RBL2: variants seen among roughly 807,000 people sequenced by gnomAD.
The protein encoded by RBL2 is retinoblastoma-like protein 2.
In RBL2, 56 loss-of-function variants were observed where a neutral mutation model predicts 126.0. That is an observed-to-expected ratio of 0.44 (90% CI 0.36 to 0.56). The LOEUF is 0.56. Ranked by LOEUF, RBL2 falls within the 20% of genes least tolerant of loss-of-function variation. RBL2 has a pLI of 0.00. For synonymous variants in RBL2, 454 were observed against 478.5 expected (o/e 0.95, Z 0.67); for missense variants, 1,229 against 1,398.2 (o/e 0.88, Z 1.93).
chr16:53,481,020 G>A (rs904687675), intron 20 of RBL2: 3 of 327,422 alleles, frequency 9.2e-6, no homozygotes, highest in East Asian at 7.2e-5. Flanking sequence ...TGAGCTGGGC[G>A]TGGTGGCACA....
chr16:53,444,391 AAAAAT>A (rs2153139004), intron 3 of RBL2, among the ~76,000 whole-genome samples: 1 of 151,950 alleles, frequency 6.6e-6, no homozygotes, highest in South Asian at 2.1e-4. Context: ...CGTCTCTACT[AAAAAT>A]AAAAAAATTA....
intron 8 of RBL2, among the ~76,000 whole-genome samples, chr16:53,455,147 T>A (rs2150797195): frequency 6.6e-6 from 1 of 152,350 alleles, no homozygotes; most frequent in Middle Eastern, 3.4e-3. Flanking sequence ...GTAGTGAACA[T>A]AGTGTAGGCA....
chr16:53,450,768 G>C (rs1350302839), intron 4 of RBL2, among the ~76,000 whole-genome samples: 1 of 152,088 alleles, frequency 6.6e-6, no homozygotes. Context: ...GCATTAATTT[G>C]TCTGAGTTTA....
intron 19 of RBL2, chr16:53,480,230 G>C (rs1231911293): frequency 3.7e-6 from 2 of 534,638 alleles, no homozygotes; most frequent in Non-Finnish European, 6.6e-6. Flanking sequence ...CTGCTTGCCT[G>C]AGTTCCAGAA....
chr16:53,464,078 A>T, intron 11 of RBL2, 148 bp from the exon 12 acceptor site: 1 of 556,676 alleles, frequency 1.8e-6, no homozygotes, highest in Non-Finnish European at 2.8e-6. Context: ...TTATATAATT[A>T]AGAAAGGTTT....
intron 12 of RBL2, 142 bp from the exon 13 acceptor site, chr16:53,465,295 AC>A: frequency 1.9e-6 from 1 of 530,626 alleles, no homozygotes; most frequent in Non-Finnish European, 2.9e-6. Flanking sequence ...CATAGTTTGA[AC>A]TATAATTATT....
At position 53,454,840 on chromosome 16, in the gene RBL2, A is replaced by C; in HGVS notation, c.1177A>C (p.Lys393Gln). Reference protein sequence around the residue: ...MKNILQQHFDKSKALRISTPL... With the variant: ...MKNILQQHFDQSKALRISTPL... ...AAACATCTTACAGCAGCATTTTGACAAGGTGAGTTTAGCCATGCCAGAAGA... is the reference window on the plus strand; with the variant it reads ...AAACATCTTACAGCAGCATTTTGACCAGGTGAGTTTAGCCATGCCAGAAGA... Residue 393 changes from lysine to glutamine, a missense_variant and splice_region_variant, in exon 8 of 22, where the codon AAG becomes CAG. By Grantham distance (53) the Lys-to-Gln change is moderately conservative. Coordinates refer to ENST00000262133, the MANE Select transcript of RBL2 (RefSeq NM_005611.4). 1 of 1,606,044 alleles carries C rather than the reference A, an allele frequency of 6.2e-7. No homozygotes were observed. Among genetic ancestry groups the C allele is most frequent in the Non-Finnish European group, 8.5e-7 (1 of 1,175,084 alleles).
At chr16:53,435,643 T>A in intron 1 of RBL2, 1 of 1,287,768 alleles carries the variant, frequency 7.8e-7, no homozygotes, top group Non-Finnish European at 1.0e-6. Context: ...TGACTGTGTG[T>A]GTGGCATTTA....
intron 1 of RBL2, among the ~76,000 whole-genome samples, chr16:53,437,825 A>G (rs964373307): frequency 2.6e-5 from 4 of 152,030 alleles, no homozygotes; most frequent in African/African-American, 9.7e-5. Flanking sequence ...CAGGAGATCA[A>G]GACCATCCTG....
At chr16:53,473,894 T>G (rs1220706641) in intron 17 of RBL2, among the ~76,000 whole-genome samples, 1 of 152,206 alleles carries the variant, frequency 6.6e-6, no homozygotes, top group Non-Finnish European at 1.5e-5. Context: ...TCCATTGAGA[T>G]GATCGTGTGC....
intron 9 of RBL2, among the ~76,000 whole-genome samples, chr16:53,460,365 T>C (rs2058208759): frequency 6.6e-6 from 1 of 152,222 alleles, no homozygotes; most frequent in African/African-American, 2.4e-5. Context: ...TTCCCACTCA[T>C]AGCCAGGCTT....
intron 17 of RBL2, among the ~76,000 whole-genome samples, chr16:53,474,751 A>G (rs1053062151): frequency 3.3e-5 from 5 of 152,262 alleles, no homozygotes; most frequent in Non-Finnish European, 7.3e-5. Flanking sequence ...ATCCTTATGC[A>G]TAAGAGGCAT....
intron 2 of RBL2, among the ~76,000 whole-genome samples, chr16:53,440,028 TGTAATCCCA>T (rs1426313763): frequency 2.7e-5 from 4 of 150,352 alleles, no homozygotes; most frequent in Admixed American, 6.6e-5. Context: ...GGCTCACACC[TGTAATCCCA>T]GTAATCCCAG....
At chr16:53,477,652 A>G (rs902642279) in intron 17 of RBL2, among the ~76,000 whole-genome samples, 19 of 151,990 alleles carry the variant, frequency 1.3e-4, no homozygotes, top group Non-Finnish European at 2.5e-4. Context: ...GCCTATTTCT[A>G]TTTCTCTTAT....
chr16:53,475,787 C>G (rs1009383024), intron 17 of RBL2, among the ~76,000 whole-genome samples: 1 of 145,518 alleles, frequency 6.9e-6, no homozygotes, highest in East Asian at 2.0e-4. Flanking sequence ...AAATCCTTTA[C>G]GTAGATATCA....
At chr16:53,436,237 A>G (rs891234658) in intron 1 of RBL2, among the ~76,000 whole-genome samples, 27 of 152,160 alleles carry the variant, frequency 1.8e-4, no homozygotes, top group African/African-American at 6.5e-4. Context: ...TACCCTCAAG[A>G]TAATCCTGTA....
chr16:53,458,245 T>A (rs1295085078), intron 8 of RBL2, among the ~76,000 whole-genome samples: 1 of 152,224 alleles, frequency 6.6e-6, no homozygotes, highest in Non-Finnish European at 1.5e-5. Flanking sequence ...CTAGGTTTTT[T>A]AAAAAATTAG....
Position 53,464,267 on chromosome 16 carries a change from C to T in RBL2, c.1602C>T (p.Ala534=), listed in dbSNP as rs780846966. 2.5e-6 allele frequency: 4 copies of T among 1,604,854 alleles called. No homozygotes were observed. Among genetic ancestry groups the T allele is most frequent in the Non-Finnish European group, 3.4e-6 (4 of 1,172,462 alleles). ...ATGCGTTCCACAGATCTCTCTTGGC[C>T]TGCTGCCTTGAGGTCGTCACTTTTT... ...EQDAFHRSLL[A]CCLEVVTFSY... Residue 534 remains alanine, a synonymous_variant, in exon 12 of 22, where the codon GCC becomes GCT. Coordinates refer to ENST00000262133, the MANE Select transcript of RBL2 (RefSeq NM_005611.4).
intron 17 of RBL2, among the ~76,000 whole-genome samples, chr16:53,477,640 C>G (rs1358825805): frequency 6.6e-6 from 1 of 152,130 alleles, no homozygotes; most frequent in Non-Finnish European, 1.5e-5. Flanking sequence ...CCACTACACC[C>G]AGCCTATTTC....
Sources: gnomAD v4.1 joint callset for allele counts (sites outside exome capture counted in the v4.1 genomes callset) on GRCh38, gnomAD v4.1.1 for gene constraint, MANE v1.5 for transcripts, NCBI Gene and HGNC (gene_info 2026-07-23, HGNC 2026-07-21) for gene names.